Variants in TMEM108 observed in about 807,000 individuals in gnomAD.
TMEM108 encodes transmembrane protein 108.
In TMEM108, 12 loss-of-function variants were observed where a neutral mutation model predicts 35.1. The observed-to-expected ratio is 0.34, with a 90% CI of 0.22 to 0.55. TMEM108 has a LOEUF of 0.55. Among genes scored for constraint, TMEM108 ranks in the 20% least tolerant of loss-of-function variants. The probability of loss-of-function intolerance (pLI) is 0.89; values close to 1 mark genes in which losing one functional copy is unlikely to be tolerated. For synonymous variants in TMEM108, 287 were observed against 308.6 expected, an observed-to-expected ratio of 0.93 and a Z score of 0.73; for missense variants, 680 against 753.3, an observed-to-expected ratio of 0.90 and a Z score of 1.14.
chr3:133,256,054 C>A (rs1946541858), intron 3 of TMEM108, among the ~76,000 whole-genome samples: 1 of 151,934 alleles, frequency 6.6e-6, no homozygotes, highest in African/African-American at 2.4e-5. Flanking sequence ...ATAAAAACAG[C>A]AAATAAAGAG....
intron 2 of TMEM108, among the ~76,000 whole-genome samples, chr3:133,049,418 A>G (rs912016006): frequency 1.3e-5 from 2 of 152,204 alleles, no homozygotes; most frequent in African/African-American, 4.8e-5. Flanking sequence ...CATCAGAGAA[A>G]TCTGTTAGAC....
intron 2 of TMEM108, among the ~76,000 whole-genome samples, chr3:133,156,649 A>C (rs114493231): frequency 1.3e-5 from 2 of 152,230 alleles, no homozygotes; most frequent in African/African-American, 4.8e-5. Flanking sequence ...AGAAAGAACA[A>C]TGCAGGATTC....
chr3:133,101,694 A>G, intron 2 of TMEM108, among the ~76,000 whole-genome samples: 1 of 152,248 alleles, frequency 6.6e-6, no homozygotes, highest in East Asian at 1.9e-4. Context: ...ATCTCTTAAA[A>G]TGTTTATTTT....
intron 2 of TMEM108, among the ~76,000 whole-genome samples, chr3:133,199,243 T>C (rs1945624383): frequency 6.6e-6 from 1 of 152,230 alleles, no homozygotes; most frequent in Non-Finnish European, 1.5e-5. Flanking sequence ...CTTCCTCCTT[T>C]AGCTCGGAGA....
At chr3:133,122,348 C>CA (rs1944362597) in intron 2 of TMEM108, among the ~76,000 whole-genome samples, 1 of 152,146 alleles carries the variant, frequency 6.6e-6, no homozygotes. Flanking sequence ...GTATAAACTT[C>CA]ATAAACAATT....
At chr3:133,350,037 C>T (rs1388910766) in intron 3 of TMEM108, among the ~76,000 whole-genome samples, 1 of 152,020 alleles carries the variant, frequency 6.6e-6, no homozygotes, top group African/African-American at 2.4e-5. Context: ...AAGTATCCAA[C>T]AATGGATGAA....
At chr3:133,200,933 A>G (rs988875670) in intron 2 of TMEM108, among the ~76,000 whole-genome samples, 2 of 152,230 alleles carry the variant, frequency 1.3e-5, no homozygotes, top group African/African-American at 4.8e-5. Flanking sequence ...ATTGGACAGT[A>G]GAATTTATAG....
chr3:133,265,272 C>T (rs1357820695), intron 3 of TMEM108, among the ~76,000 whole-genome samples: 1 of 152,110 alleles, frequency 6.6e-6, no homozygotes, highest in Non-Finnish European at 1.5e-5. Flanking sequence ...CTGTCTCTAA[C>T]ATTTTGTATG....
At chr3:133,149,251 G>T (rs899483097) in intron 2 of TMEM108, among the ~76,000 whole-genome samples, 1 of 152,072 alleles carries the variant, frequency 6.6e-6, no homozygotes, top group South Asian at 2.1e-4. Flanking sequence ...AATAAAAAAT[G>T]TATATATTTA....
intron 2 of TMEM108, among the ~76,000 whole-genome samples, chr3:133,073,534 A>ATATC (rs1262579527): frequency 7.5e-6 from 1 of 133,754 alleles, no homozygotes; most frequent in South Asian, 2.3e-4. Flanking sequence ...ATATATATAT[A>ATATC]TCACATTTTC....
rs151000225 is a variant in TMEM108 at position 133,281,984 on chromosome 3, C to T, written c.40+52633C>T. On this transcript the variant is annotated intron_variant, in intron 3 of 5. Transcript: ENST00000321871. The stretch of plus-strand genomic sequence containing the variant: ...CATCCTGGCTAACACGGTGAAACTC[C>T]GTCTCTACTAAAAATACAAAAAATT... 4.1e-3 allele frequency among the ~76,000 whole-genome samples: 628 copies of T among 152,084 alleles called. 6 individuals carry two copies. The highest frequency in any genetic ancestry group is 0.014 in the African/African-American group (586 of 41,476).
intron 2 of TMEM108, among the ~76,000 whole-genome samples, chr3:133,095,737 G>C (rs559368696): frequency 6.6e-6 from 1 of 152,116 alleles, no homozygotes; most frequent in Non-Finnish European, 1.5e-5. Flanking sequence ...TCCGACAGGC[G>C]GTGGAGCTCA....
At chr3:133,391,014 G>A (rs1327687021) in intron 5 of TMEM108, among the ~76,000 whole-genome samples, 2 of 152,160 alleles carry the variant, frequency 1.3e-5, no homozygotes, top group Non-Finnish European at 2.9e-5. Context: ...ATCCTCACAC[G>A]GAGGGTGGCG....
chr3:133,114,487 A>G (rs901430078), intron 2 of TMEM108, among the ~76,000 whole-genome samples: 1 of 152,142 alleles, frequency 6.6e-6, no homozygotes, highest in Non-Finnish European at 1.5e-5. Flanking sequence ...TTAGTACCAT[A>G]GTATTGATTT....
At chr3:133,144,529 A>G (rs1159592791) in intron 2 of TMEM108, among the ~76,000 whole-genome samples, 1 of 152,190 alleles carries the variant, frequency 6.6e-6, no homozygotes, top group Non-Finnish European at 1.5e-5. Context: ...CTAGTTCTAG[A>G]TCCTTGAGGA....
intron 2 of TMEM108, among the ~76,000 whole-genome samples, chr3:133,111,508 G>A (rs967644951): frequency 6.6e-6 from 1 of 151,962 alleles, no homozygotes; most frequent in African/African-American, 2.4e-5. Context: ...TCTGTATGGA[G>A]GCCCATTTTC....
intron 2 of TMEM108, among the ~76,000 whole-genome samples, chr3:133,097,451 C>T (rs1402704602): frequency 1.3e-5 from 2 of 152,116 alleles, no homozygotes; most frequent in Non-Finnish European, 2.9e-5. Flanking sequence ...TGATAATAAC[C>T]CAACCTGGGC....
chr3:133,189,079 T>C (rs1945462467), intron 2 of TMEM108, among the ~76,000 whole-genome samples: 1 of 152,228 alleles, frequency 6.6e-6, no homozygotes, highest in African/African-American at 2.4e-5. Flanking sequence ...CTCTGTGACC[T>C]GAAGAAGGAA....
chr3:133,097,642 T>G (rs1163057190), intron 2 of TMEM108, among the ~76,000 whole-genome samples: 1 of 152,244 alleles, frequency 6.6e-6, no homozygotes, highest in Non-Finnish European at 1.5e-5. Flanking sequence ...CTACTACCTA[T>G]TTTATTGTTC....
Sources: gnomAD v4.1 joint callset for allele counts (sites outside exome capture counted in the v4.1 genomes callset) on GRCh38, gnomAD v4.1.1 for gene constraint, MANE v1.5 for transcripts, NCBI Gene and HGNC (gene_info 2026-07-23, HGNC 2026-07-21) for gene names.